The following LVRN variants were observed in gnomAD, a reference collection of about 807,000 sequenced individuals.
LVRN encodes laeverin, also known as aminopeptidase Q.
In LVRN, 99 loss-of-function variants were observed where a neutral mutation model predicts 111.4. The ratio of observed to expected loss-of-function variants is 0.89; its 90% confidence interval spans 0.76 to 1.05. The LOEUF (loss-of-function observed/expected upper bound fraction) is 1.05, where lower values mean the gene tolerates loss of function less well. LVRN is among the 50% of genes least tolerant of loss of function. The pLI is 0.00. For synonymous variants in LVRN, 488 were observed against 449.5 expected (o/e 1.09, Z -1.08); for missense variants, 1,414 against 1,206.8 (o/e 1.17, Z -2.54).
intron 1 of LVRN, among the ~76,000 whole-genome samples, chr5:115,966,463 G>T (rs1753205808): frequency 6.6e-6 from 1 of 152,124 alleles, no homozygotes; most frequent in South Asian, 2.1e-4. Context: ...GGTTATTTTA[G>T]TTGTTTCCAG....
At chr5:115,967,549 T>C (rs889110051) in intron 1 of LVRN, among the ~76,000 whole-genome samples, 1 of 152,170 alleles carries the variant, frequency 6.6e-6, no homozygotes, top group African/African-American at 2.4e-5. Context: ...GTCTTGAAAT[T>C]GTCTTTTTTT....
At chr5:115,986,513 T>C (rs1747869030) in intron 3 of LVRN, among the ~76,000 whole-genome samples, 1 of 152,300 alleles carries the variant, frequency 6.6e-6, no homozygotes, top group East Asian at 1.9e-4. Flanking sequence ...AAGAAAGTCA[T>C]GTTCTTAGCC....
Position 115,962,593 on chromosome 5 carries a change from C to A in LVRN, c.-25C>A, listed in dbSNP as rs1753100834. 1 of 1,579,086 alleles carries A rather than the reference C, an allele frequency of 6.3e-7. No individual in the cohort carries two copies. Among genetic ancestry groups the A allele is most frequent in the Non-Finnish European group, 8.6e-7 (1 of 1,165,348 alleles). ...GCTGCCACAGTCTCTGAGCTCCAGCCTCGCGCCTGAACCCGGTCCCTGCCA... is the reference window on the plus strand; with the variant it reads ...GCTGCCACAGTCTCTGAGCTCCAGCATCGCGCCTGAACCCGGTCCCTGCCA... On this transcript the variant is annotated 5_prime_UTR_variant, in exon 1 of 20. Coordinates refer to ENST00000357872, the MANE Select transcript of LVRN (RefSeq NM_173800.5).
chr5:116,022,555 C>G, intron 19 of LVRN, 89 bp downstream of exon 19: 1 of 867,824 alleles, frequency 1.2e-6, no homozygotes, highest in South Asian at 1.5e-5. Flanking sequence ...AAATAATATG[C>G]TTATCTGAAT....
intron 12 of LVRN, among the ~76,000 whole-genome samples, chr5:116,005,493 A>G (rs1748342007): frequency 6.6e-6 from 1 of 152,224 alleles, no homozygotes; most frequent in African/African-American, 2.4e-5. Flanking sequence ...ATGGTACCTC[A>G]ATGTTACCAA....
At chr5:115,984,940 C>A (rs1157054753) in intron 3 of LVRN, among the ~76,000 whole-genome samples, 1 of 152,172 alleles carries the variant, frequency 6.6e-6, no homozygotes, top group African/African-American at 2.4e-5. Flanking sequence ...GCCCACTCAT[C>A]AAGGCAAGGT....
chr5:116,010,104 C>A (rs923223955), intron 13 of LVRN, among the ~76,000 whole-genome samples: 5 of 152,186 alleles, frequency 3.3e-5, no homozygotes, highest in African/African-American at 1.2e-4. Flanking sequence ...CAGTTAGCAG[C>A]CAAGGTTATG....
chr5:115,993,220 T>A (rs529182268), intron 5 of LVRN, among the ~76,000 whole-genome samples: 1 of 146,472 alleles, frequency 6.8e-6, no homozygotes, highest in East Asian at 2.4e-4. Flanking sequence ...TTCTGTTCAG[T>A]TCAAACAGAA....
At chr5:115,977,563 T>C (rs889021230) in intron 1 of LVRN, among the ~76,000 whole-genome samples, 14 of 152,206 alleles carry the variant, frequency 9.2e-5, no homozygotes, top group Non-Finnish European at 1.6e-4. Flanking sequence ...GGGAATGCTA[T>C]TAATTATAAA....
intron 3 of LVRN, among the ~76,000 whole-genome samples, chr5:115,987,044 T>C (rs1561558754): frequency 6.6e-6 from 1 of 152,170 alleles, no homozygotes; most frequent in Non-Finnish European, 1.5e-5. Flanking sequence ...CTTTTTTTTT[T>C]TAGAGTTTAC....
Position 116,006,107 on chromosome 5 carries a change from C to T in LVRN, c.2093+140C>T. 4 of 615,816 alleles carry T rather than the reference C, an allele frequency of 6.5e-6. No individual in the cohort carries two copies. In the South Asian group the frequency reaches 1.1e-4, roughly 16 times the overall value. 38.1% of individuals were successfully genotyped at this position (615,816 alleles called of 1,614,324 possible). On this transcript the variant is annotated intron_variant, in intron 13 of 19. Transcript: ENST00000357872. Reference sequence around the variant, plus strand: ...AGATTAGGATGAAATTCTGTAGCTGCAATGGAATTTTATAATATAATGAGT... The same window carrying T: ...AGATTAGGATGAAATTCTGTAGCTGTAATGGAATTTTATAATATAATGAGT...
chr5:115,972,023 C>A (rs900842819), intron 1 of LVRN, among the ~76,000 whole-genome samples: 22 of 151,968 alleles, frequency 1.4e-4, no homozygotes, highest in Non-Finnish European at 1.5e-5. Flanking sequence ...ATAAAGCTTC[C>A]AGGAATATTC....
intron 13 of LVRN, among the ~76,000 whole-genome samples, chr5:116,006,372 A>C (rs955184213): frequency 1.8e-4 from 28 of 152,176 alleles, no homozygotes; most frequent in Non-Finnish European, 4.4e-5. Context: ...GTAATACATT[A>C]TCTAGTATTT....
At chr5:116,000,964 T>C in intron 9 of LVRN, 103 bp from the exon 10 acceptor site, 1 of 1,321,100 alleles carries the variant, frequency 7.6e-7, no homozygotes, top group South Asian at 1.5e-5. Context: ...GACTACTACA[T>C]AAGTGAGGAA....
intron 19 of LVRN, among the ~76,000 whole-genome samples, chr5:116,024,741 C>G (rs1580405081): frequency 2.0e-5 from 3 of 152,124 alleles, no homozygotes; most frequent in Admixed American, 2.0e-4. Flanking sequence ...TCACTCACAG[C>G]TTTTCGAAAT....
intron 1 of LVRN, among the ~76,000 whole-genome samples, chr5:115,968,288 T>C (rs1753245046): frequency 6.6e-6 from 1 of 152,164 alleles, no homozygotes; most frequent in African/African-American, 2.4e-5. Flanking sequence ...TCTGAGAGTT[T>C]CTTTTGCATG....
At chr5:116,003,721 A>C (rs1748293517) in intron 12 of LVRN, among the ~76,000 whole-genome samples, 3 of 151,976 alleles carry the variant, frequency 2.0e-5, no homozygotes, top group Middle Eastern at 3.4e-3. Context: ...AGCTGGGACT[A>C]CAGGCGCCTG....
chr5:116,019,627 G>C (rs965529604), intron 18 of LVRN, among the ~76,000 whole-genome samples: 1 of 152,152 alleles, frequency 6.6e-6, no homozygotes, highest in Non-Finnish European at 1.5e-5. Flanking sequence ...TTTTATTTTT[G>C]TTTTTGCTTT....
At chr5:116,024,832 C>T (rs1372672712) in intron 19 of LVRN, among the ~76,000 whole-genome samples, 3 of 152,166 alleles carry the variant, frequency 2.0e-5, no homozygotes, top group African/African-American at 7.2e-5. Flanking sequence ...TTGTCAACAA[C>T]ATCTTAAGGT....
Sources: gnomAD v4.1 joint callset for allele counts (sites outside exome capture counted in the v4.1 genomes callset) on GRCh38, gnomAD v4.1.1 for gene constraint, MANE v1.5 for transcripts, NCBI Gene and HGNC (gene_info 2026-07-23, HGNC 2026-07-21) for gene names.